NCALD: variants seen among roughly 807,000 people sequenced by gnomAD.
NCALD encodes the protein neurocalcin-delta.
NCALD carries 10 observed loss-of-function variants against 18.6 expected under a neutral mutation model. The ratio of observed to expected loss-of-function variants is 0.54; its 90% CI spans 0.33 to 0.91. The LOEUF (loss-of-function observed/expected upper bound fraction) is 0.91. NCALD is among the 40% of genes least tolerant of loss of function. The pLI is 0.03. For missense variants in NCALD, 184 were observed against 247.6 expected, an observed-to-expected ratio of 0.74 and a Z score of 1.72; for synonymous variants, 88 against 87.4, an observed-to-expected ratio of 1.01 and a Z score of -0.04.
chr8:101,736,540 G>C (rs1486175504), intron 1 of NCALD, among the ~76,000 whole-genome samples: 1 of 152,212 alleles, frequency 6.6e-6, no homozygotes, highest in Non-Finnish European at 1.5e-5. Flanking sequence ...TGGAGGCTCA[G>C]AGTGTTGTCT....
chr8:102,021,052 TTTA>T (rs781309126), intron 1 of NCALD, among the ~76,000 whole-genome samples: 1 of 152,198 alleles, frequency 6.6e-6, no homozygotes, highest in East Asian at 1.9e-4. Context: ...CTTAAGCTCA[TTTA>T]TTAACACTCC....
At chr8:102,072,406 G>A (rs1824206791) in intron 1 of NCALD, among the ~76,000 whole-genome samples, 1 of 152,112 alleles carries the variant, frequency 6.6e-6, no homozygotes, top group South Asian at 2.1e-4. Flanking sequence ...AATCAGATTT[G>A]TCAAGAGAAA....
intron 4 of NCALD, among the ~76,000 whole-genome samples, chr8:101,817,745 G>T (rs1813556410): frequency 1.3e-5 from 2 of 152,262 alleles, no homozygotes; most frequent in South Asian, 2.1e-4. Context: ...GACAGGTCAG[G>T]TGGAAGACCC....
chr8:101,955,630 A>G (rs1426137154), intron 2 of NCALD, among the ~76,000 whole-genome samples: 2 of 152,258 alleles, frequency 1.3e-5, no homozygotes, highest in Admixed American at 1.3e-4. Context: ...CCAGTAAAAC[A>G]TAAATTAGTA....
intron 2 of NCALD, among the ~76,000 whole-genome samples, chr8:101,694,879 C>T (rs1754316877): frequency 6.6e-6 from 1 of 152,018 alleles, no homozygotes; most frequent in Admixed American, 6.6e-5. Flanking sequence ...GAAGAGAGGC[C>T]CTGAGATTTA....
At chr8:101,779,737 G>C (rs988294856) in intron 1 of NCALD, among the ~76,000 whole-genome samples, 9 of 152,104 alleles carry the variant, frequency 5.9e-5, no homozygotes, top group African/African-American at 2.2e-4. Context: ...TCCCAACCAA[G>C]GGTATTTTTG....
chr8:101,940,595 A>C (rs1818919702), intron 2 of NCALD, among the ~76,000 whole-genome samples: 1 of 152,220 alleles, frequency 6.6e-6, no homozygotes, highest in Non-Finnish European at 1.5e-5. Context: ...TACAAACAGC[A>C]GCTGGCACAG....
At chr8:102,113,725 T>A (rs1431607599) in intron 1 of NCALD, among the ~76,000 whole-genome samples, 1 of 152,230 alleles carries the variant, frequency 6.6e-6, no homozygotes, top group East Asian at 1.9e-4. Flanking sequence ...TGTCCCAATG[T>A]GAACAATAAA....
At chr8:102,107,181 T>C (rs73700219) in intron 1 of NCALD, among the ~76,000 whole-genome samples, 24,350 of 132,238 alleles carry the variant, frequency 0.18, 3,027 homozygotes, top group African/African-American at 0.33. Context: ...ATCTACAGCC[T>C]ATATATGTGT....
intron 2 of NCALD, among the ~76,000 whole-genome samples, chr8:102,005,416 T>C (rs542051929): frequency 6.6e-6 from 1 of 152,288 alleles, no homozygotes; most frequent in African/African-American, 2.4e-5. Flanking sequence ...GGAAGACTTT[T>C]ACACTGTTGG....
intron 1 of NCALD, among the ~76,000 whole-genome samples, chr8:101,729,703 C>T (rs566407633): frequency 7.4e-4 from 112 of 152,252 alleles, no homozygotes; most frequent in African/African-American, 2.3e-3. Context: ...TGAGATAAAG[C>T]CCAGGAAATC....
At chr8:101,810,054 A>G (rs1439301285) in intron 4 of NCALD, among the ~76,000 whole-genome samples, 4 of 152,194 alleles carry the variant, frequency 2.6e-5, no homozygotes, top group Non-Finnish European at 5.9e-5. Context: ...ACGCCTATAA[A>G]CAAGAACAGA....
At chr8:101,939,400 G>A (rs1818873227) in intron 2 of NCALD, among the ~76,000 whole-genome samples, 1 of 152,154 alleles carries the variant, frequency 6.6e-6, no homozygotes, top group African/African-American at 2.4e-5. Flanking sequence ...TCACACAGAA[G>A]CCAATTGTAC....
intron 4 of NCALD, among the ~76,000 whole-genome samples, chr8:101,803,026 A>G (rs550281446): frequency 3.9e-5 from 6 of 152,260 alleles, no homozygotes; most frequent in East Asian, 1.9e-4. Context: ...CAGATTTTCA[A>G]TGTGGATGAA....
At chr8:101,770,860 A>C (rs1586458626) in intron 1 of NCALD, among the ~76,000 whole-genome samples, 1 of 152,246 alleles carries the variant, frequency 6.6e-6, no homozygotes. Flanking sequence ...TTTAAAAAAT[A>C]GATAAAATCT....
At chr8:101,879,211 A>C (rs1473734684) in intron 4 of NCALD, among the ~76,000 whole-genome samples, 1 of 152,156 alleles carries the variant, frequency 6.6e-6, no homozygotes. Flanking sequence ...GGTCTCACTG[A>C]CTTCAAGAAT....
intron 1 of NCALD, among the ~76,000 whole-genome samples, chr8:101,734,416 A>G (rs1816985875): frequency 6.6e-6 from 1 of 152,218 alleles, no homozygotes. Context: ...TATGCTTAAA[A>G]TCTACATCTC....
At chr8:101,698,528 A>G (rs1301306416) in intron 2 of NCALD, among the ~76,000 whole-genome samples, 1 of 152,238 alleles carries the variant, frequency 6.6e-6, no homozygotes, top group Non-Finnish European at 1.5e-5. Context: ...CTGACTTCAA[A>G]CAATATTACA....
intron 1 of NCALD, among the ~76,000 whole-genome samples, chr8:102,104,037 A>G (rs1825370721): frequency 6.6e-6 from 1 of 152,200 alleles, no homozygotes; most frequent in African/African-American, 2.4e-5. Context: ...ACGCATACAA[A>G]CACATACACA....
Sources: gnomAD v4.1 joint callset for allele counts (sites outside exome capture counted in the v4.1 genomes callset) on GRCh38, gnomAD v4.1.1 for gene constraint, MANE v1.5 for transcripts, NCBI Gene and HGNC (gene_info 2026-07-23, HGNC 2026-07-21) for gene names.